Variants in ZNF652 observed in about 807,000 individuals in gnomAD.
ZNF652 encodes the protein zinc finger protein 652.
ZNF652 carries 16 observed loss-of-function variants against 45.2 expected under a neutral mutation model. The ratio of observed to expected loss-of-function variants is 0.35; its 90% CI spans 0.24 to 0.54. The LOEUF is 0.54. Ranked by LOEUF, ZNF652 falls within the 20% of genes least tolerant of loss-of-function variation. ZNF652 has a pLI of 0.91. For missense variants in ZNF652, 614 were observed against 765.6 expected, an observed-to-expected ratio of 0.80 and a Z score of 2.34; for synonymous variants, 250 against 260.6, an observed-to-expected ratio of 0.96 and a Z score of 0.39.
At chr17:49,336,916 G>A (rs1033922649) in intron 1 of ZNF652, among the ~76,000 whole-genome samples, 1 of 148,566 alleles carries the variant, frequency 6.7e-6, no homozygotes, top group South Asian at 2.1e-4. Context: ...GACCACACCC[G>A]GCCCCGGCCT....
At chr17:49,357,091 G>A (rs1384217364) in intron 1 of ZNF652, among the ~76,000 whole-genome samples, 1 of 151,796 alleles carries the variant, frequency 6.6e-6, no homozygotes, top group Non-Finnish European at 1.5e-5. Context: ...AAGATCAGGA[G>A]TTCAAGACCA....
At chr17:49,327,862 C>G (rs1336460827) in intron 1 of ZNF652, among the ~76,000 whole-genome samples, 1 of 143,108 alleles carries the variant, frequency 7.0e-6, no homozygotes, top group African/African-American at 2.6e-5. Context: ...ATGTAATCTG[C>G]CTGCCTCGGC....
chr17:49,354,430 A>AT lies in ZNF652; in HGVS notation c.-259+7478dup, dbSNP rs2070313126. ...CAGATAAAAGCTATTTTCCAAGATA[A>AT]TTTGGCTTTAGCCACCAGCAGACTA... is the stretch of plus-strand genomic sequence containing the variant. On this transcript the variant is annotated intron_variant, in intron 1 of 5. Transcript: ENST00000430262. Among the ~76,000 whole-genome samples the AT allele has an allele frequency of 1.2e-4, 19 of 152,074 alleles. No individual in the cohort carries two copies. The South Asian group carries it at 3.7e-3, about 30-fold the overall frequency.
intron 1 of ZNF652, among the ~76,000 whole-genome samples, chr17:49,330,061 A>G (rs1194942406): frequency 6.6e-6 from 1 of 152,198 alleles, no homozygotes; most frequent in African/African-American, 2.4e-5. Context: ...TGTCATCTAC[A>G]GATAGGAGAA....
intron 1 of ZNF652, among the ~76,000 whole-genome samples, chr17:49,324,617 T>C (rs989756357): frequency 1.2e-4 from 19 of 152,092 alleles, no homozygotes; most frequent in African/African-American, 4.6e-4. Flanking sequence ...CTCGAACTCC[T>C]GACCTCAGGT....
At chr17:49,318,369 C>G (rs2069840911) in intron 1 of ZNF652, among the ~76,000 whole-genome samples, 1 of 152,164 alleles carries the variant, frequency 6.6e-6, no homozygotes, top group South Asian at 2.1e-4. Context: ...AGCCACCACG[C>G]CTGGCCAAAA....
chr17:49,309,357 A>T (rs2069676967), intron 5 of ZNF652, among the ~76,000 whole-genome samples: 1 of 147,700 alleles, frequency 6.8e-6, no homozygotes, highest in Non-Finnish European at 1.5e-5. Flanking sequence ...AAAAAAAAAA[A>T]ATTAGCCAGG....
chr17:49,311,967 T>C lies in ZNF652; in HGVS notation c.1124A>G (p.His375Arg). The change falls in exon 4 of 6, where the codon CAC (histidine) becomes CGC (arginine). Residue 375 changes from histidine (H) to arginine (R), a missense_variant. This residue lies in a region of ZNF652 where 262 missense variants were observed against 306.3 expected (regional missense o/e 0.86). Coordinates refer to ENST00000430262, the MANE Select transcript of ZNF652 (RefSeq NM_001145365.3). ...CTTCTCTCCAGAATGCTGCAAGGAGTGCACCTTGAGTGACATACTGCGTTT... is the reference window on the plus strand; with the variant it reads ...CTTCTCTCCAGAATGCTGCAAGGAGCGCACCTTGAGTGACATACTGCGTTT... ...SFKRSMSLKVHSLQHSGEKPF... is the reference protein window; with the variant it reads ...SFKRSMSLKVRSLQHSGEKPF... The C allele has an allele frequency of 6.2e-7, 1 of 1,613,736 alleles. No individual in the cohort carries two copies. The highest frequency in any genetic ancestry group is 8.5e-7 in the Non-Finnish European group (1 of 1,179,780).
chr17:49,312,046 C>A lies in ZNF652; in HGVS notation c.1049-4G>T, dbSNP rs778093527. 3 of 1,604,520 alleles carry A rather than the reference C, an allele frequency of 1.9e-6. No homozygotes were observed. In the South Asian group the frequency reaches 3.3e-5, roughly 18 times the overall value. Reference sequence around the variant, plus strand: ...AATGGCATGTCTTTTGTGTGTGCTGCAACACAGAATGTACTTAGTGTCAAA... The same window carrying A: ...AATGGCATGTCTTTTGTGTGTGCTGAAACACAGAATGTACTTAGTGTCAAA... On this transcript the variant is annotated splice_region_variant and splice_polypyrimidine_tract_variant and intron_variant, in intron 3 of 5. Coordinates refer to ENST00000430262, the MANE Select transcript of ZNF652 (RefSeq NM_001145365.3).
chr17:49,296,250 A>G lies in ZNF652; in HGVS notation c.*2163T>C, dbSNP rs1418245920. ...CCATTCTTTAAAACTTACATCCAAA[A>G]CCAGGAAGTATGTCTTGATATACTT... On this transcript the variant is annotated 3_prime_UTR_variant, in exon 6 of 6. Coordinates refer to ENST00000430262, the MANE Select transcript of ZNF652 (RefSeq NM_001145365.3). 6.6e-6 allele frequency: 1 copy of G among 152,576 alleles called. No homozygotes were observed. Among genetic ancestry groups the G allele is most frequent in the South Asian group, 2.1e-4 (1 of 4,828 alleles). The allele number at this position is 152,576 out of a possible 1,614,324, so 9.5% of individuals were successfully genotyped here. A position where few individuals can be genotyped will look rare whatever the true frequency, so the allele number is the denominator to read the frequency against.
At chr17:49,362,320 G>A (rs1279113002), upstream of ZNF652, 1 of 151,474 alleles carries the variant, frequency 6.6e-6, no homozygotes, top group Non-Finnish European at 1.5e-5. Flanking sequence ...GCCCAACGGG[G>A]ATCCCGACAC....
intron 1 of ZNF652, among the ~76,000 whole-genome samples, chr17:49,343,677 A>G (rs1225024532): frequency 6.6e-6 from 1 of 151,110 alleles, no homozygotes; most frequent in East Asian, 1.9e-4. Flanking sequence ...TTTTTTAAAT[A>G]ACACAAATCC....
intron 2 of ZNF652, among the ~76,000 whole-genome samples, chr17:49,315,469 A>G (rs1196050430): frequency 1.3e-5 from 2 of 152,150 alleles, no homozygotes; most frequent in Non-Finnish European, 2.9e-5. Flanking sequence ...TTAAACACAA[A>G]TTTAAAAGTA....
rs185106092 is a variant in ZNF652 at position 49,349,415 on chromosome 17, C to T, written c.-259+12494G>A. Among the ~76,000 whole-genome samples the T allele has an allele frequency of 4.0e-4, 61 of 151,856 alleles. No homozygotes were observed. The Middle Eastern group carries it at 0.014, about 34-fold the overall frequency. On this transcript the variant is annotated intron_variant, in intron 1 of 5. Transcript: ENST00000430262. ...TTCCATCTCAAAAAAGAAAAAAAAA[C>T]AACAAAACAAATGTAATGCAGTGAG...
rs1279495945 is a variant in ZNF652 at position 49,317,198 on chromosome 17, C to T, written c.528G>A (p.Lys176=). ...CTTTCTCTACTATCTTCTCCTTTTT[C>T]TTCTGCTTTTCATTCTCTCCATAGT... ...SNDYGENEKQ[K]KKEKIVEKVS... Residue 176 remains lysine, a synonymous_variant, in exon 2 of 6, where the codon AAG becomes AAA. Transcript: ENST00000430262. The T allele has an allele frequency of 1.2e-6, 2 of 1,613,632 alleles. No individual in the cohort carries two copies. The highest frequency in any genetic ancestry group is 1.7e-5 in the Admixed American group (1 of 60,002).
At chr17:49,343,779 G>A (rs1183442477) in intron 1 of ZNF652, among the ~76,000 whole-genome samples, 1 of 151,998 alleles carries the variant, frequency 6.6e-6, no homozygotes, top group Non-Finnish European at 1.5e-5. Context: ...TCACAGCTGG[G>A]CACAGTGGCT....
At chr17:49,328,378 G>A (rs1467373025) in intron 1 of ZNF652, among the ~76,000 whole-genome samples, 2 of 152,024 alleles carry the variant, frequency 1.3e-5, no homozygotes, top group African/African-American at 4.8e-5. Flanking sequence ...ACCTACTTAT[G>A]CATGATTACC....
chr17:49,349,412 A>C (rs991406339), intron 1 of ZNF652, among the ~76,000 whole-genome samples: 2 of 152,220 alleles, frequency 1.3e-5, no homozygotes, highest in African/African-American at 4.8e-5. Context: ...AAAGAAAAAA[A>C]AACAACAAAA....
intron 2 of ZNF652, among the ~76,000 whole-genome samples, chr17:49,313,111 C>T (rs2069740085): frequency 6.6e-6 from 1 of 152,138 alleles, no homozygotes; most frequent in African/African-American, 2.4e-5. Context: ...TCAAAGAATT[C>T]ACTGCTATTA....
Sources: gnomAD v4.1 joint callset for allele counts (sites outside exome capture counted in the v4.1 genomes callset) on GRCh38, gnomAD v4.1.1 for gene constraint, gnomAD v4.1.1 regional missense constraint, MANE v1.5 for transcripts, NCBI Gene and HGNC (gene_info 2026-07-23, HGNC 2026-07-21) for gene names.